The following SOX5 variants were observed in gnomAD, a reference collection of about 807,000 sequenced individuals.
SOX5 encodes transcription factor SOX-5.
A neutral mutation model predicts 92.0 loss-of-function variants in SOX5; 9 were observed. The observed-to-expected ratio is 0.10, with a 90% CI of 0.06 to 0.17. The LOEUF is 0.17. Ranked by LOEUF, SOX5 falls within the 10% of genes least tolerant of loss-of-function variation. SOX5 has a pLI of 1.00. For synonymous variants in SOX5, 344 were observed against 336.3 expected (o/e 1.02, Z -0.25); for missense variants, 642 against 944.5 (o/e 0.68, Z 4.20).
At chr12:23,984,245 A>C (rs1352009944) in intron 4 of SOX5, among the ~76,000 whole-genome samples, 1 of 152,206 alleles carries the variant, frequency 6.6e-6, no homozygotes, top group Non-Finnish European at 1.5e-5. Flanking sequence ...AGGGACACAG[A>C]AAAGTGAAAA....
chr12:24,525,772 G>A (rs1207100693), intron 1 of SOX5, among the ~76,000 whole-genome samples: 1 of 151,846 alleles, frequency 6.6e-6, no homozygotes, highest in Non-Finnish European at 1.5e-5. Context: ...CTCGGGAGGC[G>A]TGAACCCGGA....
At chr12:24,170,443 G>T (rs1421930846) in intron 4 of SOX5, among the ~76,000 whole-genome samples, 4 of 152,098 alleles carry the variant, frequency 2.6e-5, no homozygotes, top group Non-Finnish European at 5.9e-5. Flanking sequence ...TGCTCTTCTC[G>T]ATAAGGAAAA....
chr12:23,568,458 A>G (rs976976929), intron 10 of SOX5, among the ~76,000 whole-genome samples: 2 of 152,170 alleles, frequency 1.3e-5, no homozygotes, highest in Non-Finnish European at 2.9e-5. Flanking sequence ...AAATGATCCC[A>G]AGAACTGTAA....
chr12:23,578,372 G>A (rs1221407679), intron 9 of SOX5, among the ~76,000 whole-genome samples: 2 of 150,974 alleles, frequency 1.3e-5, no homozygotes, highest in African/African-American at 4.9e-5. Flanking sequence ...TAGAAACTAT[G>A]GGGATGGGTC....
intron 1 of SOX5, among the ~76,000 whole-genome samples, chr12:24,506,784 C>CTTTTTTTTTT (rs386375924): frequency 3.9e-4 from 32 of 81,766 alleles, no homozygotes; most frequent in African/African-American, 5.8e-4. Flanking sequence ...TCCAAATGGT[C>CTTTTTTTTTT]TTTTTTTTTT....
At chr12:24,121,801 G>A (rs1000094116) in intron 4 of SOX5, among the ~76,000 whole-genome samples, 3 of 146,240 alleles carry the variant, frequency 2.1e-5, no homozygotes, top group African/African-American at 7.6e-5. Flanking sequence ...CAGGAGAATC[G>A]CTTGAACCTG....
chr12:23,779,814 T>TAC (rs1555337311), intron 3 of SOX5, among the ~76,000 whole-genome samples: 1,997 of 110,752 alleles, frequency 0.018, 44 homozygotes, highest in Admixed American at 0.058. Flanking sequence ...TATATATATA[T>TAC]ACACACACAC....
chr12:23,674,893 TA>T (rs1389102445), intron 6 of SOX5, among the ~76,000 whole-genome samples: 1 of 152,042 alleles, frequency 6.6e-6, no homozygotes, highest in Non-Finnish European at 1.5e-5. Flanking sequence ...TAGAACGACA[TA>T]GTACCTGGCA....
chr12:23,821,837 G>T (rs1030833081), intron 3 of SOX5, among the ~76,000 whole-genome samples: 6 of 151,942 alleles, frequency 3.9e-5, no homozygotes, highest in African/African-American at 1.4e-4. Context: ...CTTCTTCCTG[G>T]TTTATTCTTG....
chr12:24,125,024 G>A (rs1948979274), intron 4 of SOX5, among the ~76,000 whole-genome samples: 1 of 152,074 alleles, frequency 6.6e-6, no homozygotes, highest in Non-Finnish European at 1.5e-5. Flanking sequence ...TATAAATATA[G>A]CCATTTTTTC....
Position 24,118,029 on chromosome 12 carries a change from AAAAAAAAAAG to A in SOX5, c.-2+95304_-2+95313del, listed in dbSNP as rs1193583511. ...GCGAGACTCTCATTCAAAAAAAAAA[AAAAAAAAAAG>A]AAAAAAAAAATCTGTCTCACAGAAA... is the stretch of plus-strand genomic sequence containing the variant. On this transcript the variant is annotated intron_variant, in intron 4 of 4. Transcript: ENST00000446891. Among the ~76,000 whole-genome samples the A allele has an allele frequency of 3.5e-3, 521 of 150,926 alleles. 4 individuals carry two copies. The highest frequency in any genetic ancestry group is 0.012 in the African/African-American group (486 of 40,798).
chr12:24,244,048 TA>T (rs3031151), intron 3 of SOX5, among the ~76,000 whole-genome samples: 4,586 of 131,572 alleles, frequency 0.035, 110 homozygotes, highest in African/African-American at 0.085. Flanking sequence ...GGCATATTGA[TA>T]AAAAAAAAAA....
chr12:23,792,025 T>C (rs1440612707), intron 3 of SOX5, among the ~76,000 whole-genome samples: 2 of 152,018 alleles, frequency 1.3e-5, no homozygotes, highest in Admixed American at 1.3e-4. Flanking sequence ...AATTTTAAAA[T>C]CAAATTTATT....
intron 6 of SOX5, among the ~76,000 whole-genome samples, chr12:23,672,411 T>A (rs992057898): frequency 1.3e-5 from 2 of 152,158 alleles, no homozygotes; most frequent in Admixed American, 6.6e-5. Context: ...ACATTTTCTT[T>A]TTCTAATTCC....
chr12:24,057,872 G>T (rs1166468893), intron 4 of SOX5, among the ~76,000 whole-genome samples: 1 of 152,178 alleles, frequency 6.6e-6, no homozygotes, highest in Non-Finnish European at 1.5e-5. Flanking sequence ...AAATAAGTCT[G>T]CTGGTGTAAA....
At chr12:24,426,581 G>A (rs79481731) in intron 1 of SOX5, among the ~76,000 whole-genome samples, 1,658 of 152,264 alleles carry the variant, frequency 0.011, 33 homozygotes, top group African/African-American at 0.038. Context: ...TGTAAGTTAG[G>A]ATTCAAAGGC....
intron 2 of SOX5, among the ~76,000 whole-genome samples, chr12:24,326,810 A>ACACACACACACACACAC (rs1565911557): frequency 6.6e-6 from 1 of 151,580 alleles, no homozygotes; most frequent in Non-Finnish European, 1.5e-5. Context: ...ACACACACAC[A>ACACACACACACACACAC]GGTCTACCCA....
At chr12:23,649,500 T>C (rs1432955200) in intron 7 of SOX5, among the ~76,000 whole-genome samples, 3 of 152,152 alleles carry the variant, frequency 2.0e-5, no homozygotes, top group African/African-American at 7.2e-5. Context: ...TAATTTCTTC[T>C]ACTCTTCCCT....
At chr12:24,550,484 C>G (rs944243441) in intron 1 of SOX5, among the ~76,000 whole-genome samples, 2 of 152,186 alleles carry the variant, frequency 1.3e-5, no homozygotes, top group African/African-American at 2.4e-5. Flanking sequence ...CATTTCTAAA[C>G]TTTTGCCTGC....
Sources: gnomAD v4.1 joint callset for allele counts (sites outside exome capture counted in the v4.1 genomes callset) on GRCh38, gnomAD v4.1.1 for gene constraint, MANE v1.5 for transcripts, NCBI Gene and HGNC (gene_info 2026-07-23, HGNC 2026-07-21) for gene names.